Variants in VPS53 observed in about 807,000 individuals in gnomAD.
The protein encoded by VPS53 is vacuolar protein sorting-associated protein 53 homolog.
In VPS53, 70 loss-of-function variants were observed where a neutral mutation model predicts 107.0. The observed-to-expected ratio is 0.65, with a 90% CI of 0.54 to 0.80. The LOEUF (loss-of-function observed/expected upper bound fraction) is 0.80, where lower values mean the gene tolerates loss of function less well. Among genes scored for constraint, VPS53 ranks in the 30% least tolerant of loss-of-function variants. The pLI is 0.00. For missense variants in VPS53, 917 were observed against 1,049.4 expected (o/e 0.87, Z 1.74); for synonymous variants, 409 against 393.3 (o/e 1.04, Z -0.47).
chr17:536,760 A>G (rs1910102735), intron 18 of VPS53: 1 of 410,552 alleles, frequency 2.4e-6, no homozygotes, highest in Non-Finnish European at 4.5e-6. Flanking sequence ...GTCACTGTAC[A>G]TTTGTCCAAA....
At chr17:552,579 C>T (rs1911941803) in intron 16 of VPS53, 1 of 153,488 alleles carries the variant, frequency 6.5e-6, no homozygotes, top group Non-Finnish European at 1.5e-5. Context: ...CCCTCGGTGG[C>T]TAAATTTAAG....
chr17:575,735 C>G lies in VPS53; in HGVS notation c.1313+10535G>C, dbSNP rs1215995213. 5.9e-5 allele frequency among the ~76,000 whole-genome samples: 9 copies of G among 151,624 alleles called. No homozygotes were observed. In the East Asian group the frequency reaches 1.8e-3, roughly 30 times the overall value. The stretch of plus-strand genomic sequence containing the variant: ...ACCTCCCCCAGAATCTAATGCTTTC[C>G]CAGAGAACCTCCCTCAGGACCTAGT... On this transcript the variant is annotated intron_variant, in intron 13 of 21. Coordinates refer to ENST00000437048, the MANE Select transcript of VPS53 (RefSeq NM_001128159.3).
At chr17:703,946 G>A (rs1420146751) in intron 2 of VPS53, among the ~76,000 whole-genome samples, 1 of 152,008 alleles carries the variant, frequency 6.6e-6, no homozygotes, top group Admixed American at 6.6e-5. Flanking sequence ...GTCTCCCAAA[G>A]TGCTGGGATT....
At chr17:653,501 T>C in intron 6 of VPS53, 91 bp from the exon 7 acceptor site, 1 of 1,575,654 alleles carries the variant, frequency 6.3e-7, no homozygotes, top group Non-Finnish European at 8.6e-7. Flanking sequence ...CTCAAACAGA[T>C]ATCAACTCAG....
At chr17:635,435 C>A (rs1018161980) in intron 7 of VPS53, among the ~76,000 whole-genome samples, 2 of 152,236 alleles carry the variant, frequency 1.3e-5, no homozygotes, top group East Asian at 1.9e-4. Flanking sequence ...CTTTTGTTGC[C>A]ATTGCTTTAA....
intron 16 of VPS53, 42 bp from the exon 17 acceptor site, chr17:551,992 C>A: frequency 7.9e-6 from 12 of 1,518,984 alleles, no homozygotes; most frequent in East Asian, 2.4e-5. Context: ...TTTCAAACAA[C>A]GGCCGTCTGA....
rs142247473 is a variant in VPS53, at chr17:634,242, G to T, written c.609-2614C>A. On this transcript the variant is annotated intron_variant, in intron 7 of 21. Coordinates refer to ENST00000437048, the MANE Select transcript of VPS53 (RefSeq NM_001128159.3). Reference sequence around the variant, plus strand: ...CTACTCTGAATTCTTGGTGACTCTGGAACTGAGGTGGCAGAAAGGAGAACC... The same window carrying T: ...CTACTCTGAATTCTTGGTGACTCTGTAACTGAGGTGGCAGAAAGGAGAACC... 7.2e-3 allele frequency among the ~76,000 whole-genome samples: 1,103 copies of T among 152,240 alleles called. 9 individuals are homozygous for T. The highest frequency in any genetic ancestry group is 0.014 in the Middle Eastern group (4 of 294).
At chr17:680,671 T>C (rs984666242) in intron 4 of VPS53, among the ~76,000 whole-genome samples, 1 of 152,218 alleles carries the variant, frequency 6.6e-6, no homozygotes, top group Non-Finnish European at 1.5e-5. Flanking sequence ...CAAGACAACA[T>C]TACACTTGGT....
intron 12 of VPS53, among the ~76,000 whole-genome samples, chr17:599,022 G>A (rs1162410067): frequency 9.4e-6 from 1 of 106,772 alleles, no homozygotes; most frequent in Admixed American, 1.0e-4. Context: ...CCCCCAACCC[G>A]GCCAGCCGCC....
intron 4 of VPS53, among the ~76,000 whole-genome samples, chr17:684,628 A>G (rs1276213537): frequency 6.6e-6 from 1 of 152,192 alleles, no homozygotes; most frequent in African/African-American, 2.4e-5. Context: ...TTCTCCTTCA[A>G]TTGATCTATA....
At chr17:620,466 G>C (rs1969421885) in intron 11 of VPS53, among the ~76,000 whole-genome samples, 1 of 152,202 alleles carries the variant, frequency 6.6e-6, no homozygotes, top group African/African-American at 2.4e-5. Context: ...ACAAGTCCCA[G>C]CCTGCCCCCG....
chr17:530,346 G>A (rs953857895), intron 19 of VPS53, among the ~76,000 whole-genome samples: 1 of 151,856 alleles, frequency 6.6e-6, no homozygotes, highest in African/African-American at 2.4e-5. Context: ...TAGAGACGGG[G>A]GTTTCACTGT....
At position 517,293 on chromosome 17, in the gene VPS53, T is replaced by A; in HGVS notation, c.*1835A>T. ...ATTTGAGACGCTTGATGCGTGAGAG[T>A]CAAACCAGCTAGCAAGGACAGCCTG... On this transcript the variant is annotated 3_prime_UTR_variant, in exon 22 of 22. Coordinates refer to ENST00000437048, the MANE Select transcript of VPS53 (RefSeq NM_001128159.3). 2.5e-6 allele frequency: 1 copy of A among 395,278 alleles called. No homozygotes were observed. The highest frequency in any genetic ancestry group is 1.4e-4 in the South Asian group (1 of 7,302). 24.5% of individuals were successfully genotyped at this position (395,278 alleles called of 1,614,324 possible). A position where few individuals can be genotyped will look rare whatever the true frequency, so the allele number is the denominator to read the frequency against.
At position 513,435 on chromosome 17, in the gene VPS53, T is replaced by C. The variant is rs1044289841; in HGVS notation, c.*5693A>G. 2.0e-5 allele frequency: 3 copies of C among 152,228 alleles called. No individual in the cohort carries two copies. Among genetic ancestry groups the C allele is most frequent in the Admixed American group, 1.3e-4 (2 of 15,282 alleles). The allele number at this position is 152,228 out of a possible 1,614,324, so 9.4% of individuals were successfully genotyped here. A position where few individuals can be genotyped will look rare whatever the true frequency, so the allele number is the denominator to read the frequency against. On this transcript the variant is annotated 3_prime_UTR_variant, in exon 22 of 22. Transcript: ENST00000437048. ...CAGGACTGGGAATTTTTATTTAATA[T>C]ATAAAATGTCATCGTACCCTTCATG... is the stretch of plus-strand genomic sequence containing the variant.
rs368111013 is a variant in VPS53 at position 555,449 on chromosome 17, A to G, written c.1705-1987T>C. 1.3e-4 allele frequency among the ~76,000 whole-genome samples: 20 copies of G among 152,146 alleles called. No homozygotes were observed. In the East Asian group the frequency reaches 3.5e-3, roughly 27 times the overall value. On this transcript the variant is annotated intron_variant, in intron 15 of 21. Transcript: ENST00000437048. ...CCTGACCTCGTGATCTACCCGCCTCAGCCTCCCAAAGTGCTGGGATTACAG... is the reference window on the plus strand; with the variant it reads ...CCTGACCTCGTGATCTACCCGCCTCGGCCTCCCAAAGTGCTGGGATTACAG...
intron 4 of VPS53, among the ~76,000 whole-genome samples, chr17:667,027 G>A (rs1049075173): frequency 1.3e-5 from 2 of 152,212 alleles, no homozygotes; most frequent in Admixed American, 1.3e-4. Context: ...GCGATGACAT[G>A]AAGTAGAGGC....
intron 17 of VPS53, among the ~76,000 whole-genome samples, chr17:547,612 T>A (rs1341167652): frequency 6.6e-6 from 1 of 152,142 alleles, no homozygotes; most frequent in Non-Finnish European, 1.5e-5. Context: ...ACATTGTGGA[T>A]ATACTAAAAA....
chr17:562,368 C>A, intron 14 of VPS53, 135 bp downstream of exon 14: 1 of 1,256,380 alleles, frequency 8.0e-7, no homozygotes. Context: ...GCTTCAGGCC[C>A]TCGGGAACTC....
intron 11 of VPS53, among the ~76,000 whole-genome samples, chr17:622,918 G>T (rs1415964900): frequency 6.6e-6 from 1 of 151,518 alleles, no homozygotes; most frequent in Non-Finnish European, 1.5e-5. Context: ...TCGAACTCCT[G>T]GTCTCAAGCA....
Sources: gnomAD v4.1 joint callset for allele counts (sites outside exome capture counted in the v4.1 genomes callset) on GRCh38, gnomAD v4.1.1 for gene constraint, MANE v1.5 for transcripts, NCBI Gene and HGNC (gene_info 2026-07-23, HGNC 2026-07-21) for gene names.